Variants in RPS6KC1 observed in about 807,000 individuals in gnomAD.
RPS6KC1 encodes inactive ribosomal protein S6 kinase delta-1.
RPS6KC1 carries 54 observed loss-of-function variants against 103.8 expected under a neutral mutation model. The observed-to-expected ratio is 0.52, with a 90% confidence interval of 0.42 to 0.65. RPS6KC1 has a LOEUF of 0.65. Among genes scored for constraint, RPS6KC1 ranks in the 30% least tolerant of loss-of-function variants. The probability of loss-of-function intolerance (pLI) is 0.00; values close to 1 mark genes in which losing one functional copy is unlikely to be tolerated. For synonymous variants in RPS6KC1, 439 were observed against 438.7 expected, an observed-to-expected ratio of 1.00 and a Z score of -0.01; for missense variants, 1,151 against 1,253.8, an observed-to-expected ratio of 0.92 and a Z score of 1.24.
the RPS6KC1 span, among the ~76,000 whole-genome samples, chr1:213,623,288 C>A: frequency 6.6e-6 from 1 of 152,166 alleles, no homozygotes; most frequent in African/African-American, 2.4e-5. Context: ...CTGTGAAGAA[C>A]CATGGATGGG....
chr1:213,223,320 T>G (rs2093880538), intron 8 of RPS6KC1, among the ~76,000 whole-genome samples: 1 of 152,180 alleles, frequency 6.6e-6, no homozygotes, highest in Non-Finnish European at 1.5e-5. Context: ...ACTCGAGCAA[T>G]GTACACTGTA....
At chr1:213,214,395 G>A (rs761168112) in intron 8 of RPS6KC1, among the ~76,000 whole-genome samples, 12 of 152,224 alleles carry the variant, frequency 7.9e-5, no homozygotes, top group Non-Finnish European at 1.8e-4. Flanking sequence ...GAAATGGGTG[G>A]AGCCCAGCGC....
At chr1:213,293,756 A>C in the RPS6KC1 span, among the ~76,000 whole-genome samples, 28 of 151,426 alleles carry the variant, frequency 1.8e-4, no homozygotes, top group South Asian at 5.8e-3. Context: ...ATCAAATTTT[A>C]AAGTATCTTC....
Position 213,088,759 on chromosome 1 carries a change from G to A in RPS6KC1, c.262+10943G>A, listed in dbSNP as rs901354477. 2.6e-5 allele frequency among the ~76,000 whole-genome samples: 4 copies of A among 152,170 alleles called. No individual in the cohort carries two copies. In the South Asian group the frequency reaches 8.3e-4, roughly 31 times the overall value. On this transcript the variant is annotated intron_variant, in intron 3 of 14. Transcript: ENST00000366960. ...ACCCTATATTGATACTCTGATTTAGGAAGAGTTCTGAATGATCTGAAGTAA... is the reference window on the plus strand; with the variant it reads ...ACCCTATATTGATACTCTGATTTAGAAAGAGTTCTGAATGATCTGAAGTAA...
intron 3 of RPS6KC1, among the ~76,000 whole-genome samples, chr1:213,079,117 A>G (rs1290992650): frequency 6.6e-6 from 1 of 151,670 alleles, no homozygotes; most frequent in Non-Finnish European, 1.5e-5. Context: ...TTGTCTTTTC[A>G]TGTCAATAAA....
the RPS6KC1 span, among the ~76,000 whole-genome samples, chr1:213,784,232 C>T: frequency 3.9e-5 from 6 of 152,324 alleles, no homozygotes; most frequent in East Asian, 1.2e-3. Context: ...ACTAGCAGCT[C>T]TGGGCTTTCT....
At chr1:213,416,197 C>G in the RPS6KC1 span, among the ~76,000 whole-genome samples, 1 of 152,336 alleles carries the variant, frequency 6.6e-6, no homozygotes, top group African/African-American at 2.4e-5. Flanking sequence ...GCATGCCCGT[C>G]TCTGTCCTGC....
the RPS6KC1 span, among the ~76,000 whole-genome samples, chr1:213,518,800 G>A: frequency 6.6e-6 from 1 of 152,134 alleles, no homozygotes; most frequent in Non-Finnish European, 1.5e-5. Context: ...TGCATATATA[G>A]ATGGTAGATA....
At chr1:213,760,074 G>A in the RPS6KC1 span, among the ~76,000 whole-genome samples, 2 of 152,182 alleles carry the variant, frequency 1.3e-5, no homozygotes, top group Non-Finnish European at 2.9e-5. Context: ...GCCAGTCGGT[G>A]GGGCCGCCAG....
chr1:213,641,504 A>G, the RPS6KC1 span, among the ~76,000 whole-genome samples: 1,722 of 152,166 alleles, frequency 0.011, 31 homozygotes, highest in African/African-American at 0.039. Context: ...TAGTCTTGCA[A>G]TGCTACTCAG....
chr1:213,696,352 AT>A, the RPS6KC1 span, among the ~76,000 whole-genome samples: 1 of 152,098 alleles, frequency 6.6e-6, no homozygotes, highest in East Asian at 1.9e-4. Flanking sequence ...ACACAAAAAA[AT>A]TAGCCAGGCA....
At chr1:213,353,001 T>C in the RPS6KC1 span, among the ~76,000 whole-genome samples, 1 of 152,234 alleles carries the variant, frequency 6.6e-6, no homozygotes, top group African/African-American at 2.4e-5. Context: ...CAGAACAATG[T>C]GAGAGGGGAG....
At chr1:213,780,778 C>A in the RPS6KC1 span, among the ~76,000 whole-genome samples, 4 of 152,136 alleles carry the variant, frequency 2.6e-5, no homozygotes, top group Non-Finnish European at 5.9e-5. Flanking sequence ...AATTCCAACA[C>A]TTTGGGAGGC....
At chr1:213,288,286 A>G in the RPS6KC1 span, among the ~76,000 whole-genome samples, 8 of 152,236 alleles carry the variant, frequency 5.3e-5, no homozygotes, top group African/African-American at 1.4e-4. Flanking sequence ...CAGCCTGAGC[A>G]TCTGGGTCGA....
chr1:213,728,936 GGTTTTTTTTTT>G, the RPS6KC1 span, among the ~76,000 whole-genome samples: 86 of 63,232 alleles, frequency 1.4e-3, 4 homozygotes, highest in South Asian at 6.0e-3. Context: ...AGAACATGAG[GGTTTTTTTTTT>G]GTTTTTTTTT....
intron 8 of RPS6KC1, among the ~76,000 whole-genome samples, chr1:213,199,539 C>T (rs759246855): frequency 7.2e-5 from 11 of 152,194 alleles, no homozygotes; most frequent in Admixed American, 5.9e-4. Flanking sequence ...CAGCCAACCT[C>T]GTCCTGAATG....
the RPS6KC1 span, among the ~76,000 whole-genome samples, chr1:213,780,207 G>C: frequency 1.3e-5 from 2 of 152,210 alleles, no homozygotes; most frequent in Non-Finnish European, 2.9e-5. Flanking sequence ...AAGGTGTATA[G>C]ATTTATCTCT....
chr1:213,054,410 C>T (rs764292597), intron 1 of RPS6KC1, among the ~76,000 whole-genome samples: 2 of 152,118 alleles, frequency 1.3e-5, no homozygotes, highest in African/African-American at 4.8e-5. Context: ...TTTAAAATAA[C>T]TGTGCTTAGT....
the RPS6KC1 span, among the ~76,000 whole-genome samples, chr1:213,401,875 C>G: frequency 3.3e-5 from 5 of 152,164 alleles, no homozygotes; most frequent in South Asian, 2.1e-4. Context: ...CAGCCTCTAT[C>G]TCCTGGGCTC....
Sources: gnomAD v4.1 joint callset for allele counts (sites outside exome capture counted in the v4.1 genomes callset) on GRCh38, gnomAD v4.1.1 for gene constraint, MANE v1.5 for transcripts, NCBI Gene and HGNC (gene_info 2026-07-23, HGNC 2026-07-21) for gene names.